PCDHGA1: variants seen among roughly 807,000 people sequenced by gnomAD.
PCDHGA1 encodes the protein protocadherin gamma-A1.
In PCDHGA1, 32 loss-of-function variants were observed where a neutral mutation model predicts 58.0. The ratio of observed to expected loss-of-function variants is 0.55; its 90% CI spans 0.42 to 0.74. PCDHGA1 has a LOEUF of 0.74. PCDHGA1 is among the 30% of genes least tolerant of loss of function. The pLI, the probability that PCDHGA1 is intolerant of heterozygous loss-of-function variation, is 0.00. For missense variants in PCDHGA1, 1,205 were observed against 1,182.3 expected (o/e 1.02, Z -0.28); for synonymous variants, 498 against 501.1 (o/e 0.99, Z 0.08).
chr5:141,383,369 C>G, intron 1 of PCDHGA1: 1 of 1,613,978 alleles, frequency 6.2e-7, no homozygotes, highest in Non-Finnish European at 8.5e-7. Flanking sequence ...TTAAGCGAGG[C>G]TGGGGATCCA....
Position 141,511,039 on chromosome 5 carries a change from C to T in PCDHGA1, c.2662C>T (p.Pro888Ser). 1 of 1,614,196 alleles carries T rather than the reference C, an allele frequency of 6.2e-7. No homozygotes were observed. ...YGPQFTLQHV[P>S]DYRQNVYIPG... ...ACCCCAGTTCACCCTGCAGCACGTGCCCGACTACCGCCAGAATGTCTACAT... is the reference window on the plus strand; with the variant it reads ...ACCCCAGTTCACCCTGCAGCACGTGTCCGACTACCGCCAGAATGTCTACAT... The change falls in exon 4 of 4, where the codon CCC (proline) becomes TCC (serine). Residue 888 changes from proline (P) to serine (S), a missense_variant. Physicochemically the swap from Pro to Ser is moderately conservative, Grantham distance 74. Coordinates refer to ENST00000517417, the MANE Select transcript of PCDHGA1 (RefSeq NM_018912.3).
chr5:141,366,779 C>T, intron 1 of PCDHGA1: 2 of 1,585,730 alleles, frequency 1.3e-6, no homozygotes, highest in Non-Finnish European at 1.7e-6. Context: ...GTAAGGATGA[C>T]CAGAACATTT....
chr5:141,376,794 C>T, intron 1 of PCDHGA1: 1 of 353,104 alleles, frequency 2.8e-6, no homozygotes, highest in East Asian at 6.1e-5. Flanking sequence ...TCACGCCATT[C>T]TCCTGCCTCA....
chr5:141,414,472 A>G (rs1039987036), intron 1 of PCDHGA1: 1 of 1,613,914 alleles, frequency 6.2e-7, no homozygotes, highest in African/African-American at 1.3e-5. Flanking sequence ...AGATGGGGGA[A>G]GTCCTCCTCT....
chr5:141,394,263 A>C lies in PCDHGA1; in HGVS notation c.2421+61158A>C, dbSNP rs745926581. The C allele has an allele frequency of 2.5e-6, 4 of 1,613,766 alleles. No homozygotes were observed. In the African/African-American group the frequency reaches 5.3e-5, roughly 22 times the overall value. On this transcript the variant is annotated intron_variant, in intron 1 of 3. Coordinates refer to ENST00000517417, the MANE Select transcript of PCDHGA1 (RefSeq NM_018912.3). ...TGCACACGACCCCGACAGCCAGGAG[A>C]ATGCCCAGGTCACTTACTCTGTGAC...
At chr5:141,339,777 C>T (rs1164402476) in intron 1 of PCDHGA1, 2 of 1,614,184 alleles carry the variant, frequency 1.2e-6, no homozygotes, top group Admixed American at 1.7e-5. Context: ...GCCACTGACG[C>T]AGATGAGGGC....
chr5:141,382,044 G>T (rs940702463), intron 1 of PCDHGA1, among the ~76,000 whole-genome samples: 4 of 151,760 alleles, frequency 2.6e-5, no homozygotes, highest in African/African-American at 9.7e-5. Flanking sequence ...GGTCAGGCTG[G>T]TCTCAAGCTC....
In PCDHGA1 at chr5:141,487,743, G is replaced by C. The variant is rs1424889718; in HGVS notation, c.2422-7064G>C. The C allele has an allele frequency of 1.9e-6, 3 of 1,559,988 alleles. No homozygotes were observed. Among genetic ancestry groups the C allele is most frequent in the Non-Finnish European group, 2.6e-6 (3 of 1,150,774 alleles). ...AGTGATGTCACCATTTTTGTAAGAG[G>C]TAACTATGTGGTAGACGCTGTGCTT... On this transcript the variant is annotated intron_variant, in intron 1 of 3. Transcript: ENST00000517417. The surrounding 1 kb of genome is among the most constrained non-coding windows in gnomAD (Gnocchi z 5.0).
intron 1 of PCDHGA1, chr5:141,416,921 G>C (rs985660835): frequency 6.6e-6 from 1 of 151,994 alleles, no homozygotes; most frequent in Non-Finnish European, 1.5e-5. Flanking sequence ...TAGGGTCATA[G>C]TTATTAACTA....
chr5:141,482,380 C>A (rs2099557573), intron 1 of PCDHGA1, among the ~76,000 whole-genome samples: 1 of 151,712 alleles, frequency 6.6e-6, no homozygotes, highest in Non-Finnish European at 1.5e-5. Context: ...ATATAAAGTC[C>A]CTGTATGGAG....
intron 1 of PCDHGA1, chr5:141,382,673 A>G: frequency 2.3e-6 from 1 of 437,012 alleles, no homozygotes; most frequent in Non-Finnish European, 4.0e-6. Context: ...GCCGCTGTTC[A>G]CCAACCAGGG....
At chr5:141,427,306 A>G (rs1023837851) in intron 1 of PCDHGA1, 6 of 456,826 alleles carry the variant, frequency 1.3e-5, no homozygotes, top group African/African-American at 1.2e-4. Flanking sequence ...GAGAATGACA[A>G]TGCCCCAGAC....
intron 1 of PCDHGA1, chr5:141,365,975 A>T (rs1280013526): frequency 6.2e-7 from 1 of 1,614,108 alleles, no homozygotes; most frequent in Non-Finnish European, 8.5e-7. Context: ...CGTGTCGCTG[A>T]GCCTGTTTGT....
At chr5:141,355,476 G>A (rs1759869757) in intron 1 of PCDHGA1, 5 of 1,613,968 alleles carry the variant, frequency 3.1e-6, no homozygotes, top group Non-Finnish European at 4.2e-6. Context: ...GGATAGACAG[G>A]GAGGAGCTCT....
At position 141,511,227 on chromosome 5, in the gene PCDHGA1, TCTC is replaced by T. The variant is rs2099883680; in HGVS notation, c.*57_*59del. 2 of 1,599,470 alleles carry T rather than the reference TCTC, an allele frequency of 1.3e-6. No homozygotes were observed. Among genetic ancestry groups the T allele is most frequent in the Non-Finnish European group, 1.7e-6 (2 of 1,173,054 alleles). ...CGGCCTCTCCCCAACCAGCCCAGCTTCTCCTTACCTGCACCCAGGCCTCAGAGT... is the reference window on the plus strand; with the variant it reads ...CGGCCTCTCCCCAACCAGCCCAGCTTCTTACCTGCACCCAGGCCTCAGAGT... On this transcript the variant is annotated 3_prime_UTR_variant, in exon 4 of 4. Transcript: ENST00000517417.
chr5:141,509,882 G>A (rs1374735632), intron 3 of PCDHGA1, among the ~76,000 whole-genome samples: 1 of 152,182 alleles, frequency 6.6e-6, no homozygotes. Context: ...GGTGGTGATG[G>A]TGACTGACTG....
chr5:141,351,865 C>G (rs765417366), intron 1 of PCDHGA1: 74 of 1,613,128 alleles, frequency 4.6e-5, no homozygotes, highest in Middle Eastern at 1.6e-4. Context: ...ACCAGGGCTC[C>G]CCCGCGCTCA....
rs762532316 is a variant in PCDHGA1, at chr5:141,340,613, T to C, written c.2421+7508T>C. The C allele has an allele frequency of 3.7e-6, 6 of 1,614,170 alleles. No individual in the cohort carries two copies. In the Admixed American group the frequency reaches 5.0e-5, roughly 13 times the overall value. On this transcript the variant is annotated intron_variant, in intron 1 of 3. Transcript: ENST00000517417. ...CCCTCCACTCAGTAGCAATGTATCA[T>C]TAAGCCTGTTCGTGCTGGACCAGAA...
At chr5:141,340,497 C>T (rs758184570) in intron 1 of PCDHGA1, 1 of 1,614,234 alleles carries the variant, frequency 6.2e-7, no homozygotes, top group Non-Finnish European at 8.5e-7. Flanking sequence ...TCTATCAACT[C>T]CGACACTGGA....
Sources: allele counts gnomAD v4.1 joint callset (sites outside exome capture counted in the v4.1 genomes callset), GRCh38; gene constraint gnomAD v4.1.1; non-coding constraint Gnocchi (gnomAD v3.1); transcripts MANE v1.5; gene names NCBI Gene and HGNC (gene_info 2026-07-23, HGNC 2026-07-21).